ADAMTSL1: variants seen among roughly 807,000 people sequenced by gnomAD.
ADAMTSL1 encodes ADAMTS-like protein 1.
In ADAMTSL1, 126 loss-of-function variants were observed where a neutral mutation model predicts 201.8. The observed-to-expected ratio is 0.62, with a 90% CI of 0.54 to 0.72. The LOEUF is 0.72. Among genes scored for constraint, ADAMTSL1 ranks in the 30% least tolerant of loss-of-function variants. The pLI, the probability that ADAMTSL1 is intolerant of heterozygous loss-of-function variation, is 0.00. For synonymous variants in ADAMTSL1, 1,121 were observed against 903.4 expected, an observed-to-expected ratio of 1.24 and a Z score of -4.32; for missense variants, 2,679 against 2,277.8, an observed-to-expected ratio of 1.18 and a Z score of -3.59.
intron 2 of ADAMTSL1, among the ~76,000 whole-genome samples, chr9:18,338,706 A>G (rs1440573776): frequency 2.0e-5 from 3 of 152,154 alleles, no homozygotes; most frequent in Admixed American, 6.6e-5. Context: ...CTTGATGTAC[A>G]GATTATTTTG....
chr9:18,299,150 T>A (rs1349381593), intron 2 of ADAMTSL1, among the ~76,000 whole-genome samples: 1 of 152,090 alleles, frequency 6.6e-6, no homozygotes, highest in Non-Finnish European at 1.5e-5. Context: ...AGAGGAACAG[T>A]CTTAGAGGAG....
At chr9:18,451,248 T>C (rs1204163130) in intron 2 of ADAMTSL1, among the ~76,000 whole-genome samples, 1 of 152,220 alleles carries the variant, frequency 6.6e-6, no homozygotes, top group Non-Finnish European at 1.5e-5. Flanking sequence ...GGTACCTCCA[T>C]GCATACCTCA....
At chr9:18,294,537 T>G (rs976670075) in intron 2 of ADAMTSL1, among the ~76,000 whole-genome samples, 1 of 152,154 alleles carries the variant, frequency 6.6e-6, no homozygotes, top group Admixed American at 6.5e-5. Context: ...TTTCCAGGTT[T>G]GCACAGAGGA....
At chr9:17,989,916 A>G (rs1484801272) in intron 1 of ADAMTSL1, among the ~76,000 whole-genome samples, 3 of 149,278 alleles carry the variant, frequency 2.0e-5, no homozygotes, top group Admixed American at 2.0e-4. Flanking sequence ...CATTGTAAAC[A>G]TCTTTTTTTT....
intron 7 of ADAMTSL1, among the ~76,000 whole-genome samples, chr9:18,646,073 G>C (rs1257809510): frequency 6.6e-6 from 1 of 151,904 alleles, no homozygotes; most frequent in Non-Finnish European, 1.5e-5. Flanking sequence ...CTTGAGCAGT[G>C]GTTTGTAGTT....
intron 2 of ADAMTSL1, among the ~76,000 whole-genome samples, chr9:18,270,077 T>TG (rs1832297297): frequency 6.6e-6 from 1 of 152,086 alleles, no homozygotes; most frequent in South Asian, 2.1e-4. Context: ...TACCATTGAT[T>TG]GGGGAGCTTC....
At chr9:18,854,540 A>G (rs1017673763) in intron 23 of ADAMTSL1, among the ~76,000 whole-genome samples, 1 of 152,160 alleles carries the variant, frequency 6.6e-6, no homozygotes, top group African/African-American at 2.4e-5. Context: ...TCCTCTTGGT[A>G]CCTTTTAAAT....
intron 2 of ADAMTSL1, among the ~76,000 whole-genome samples, chr9:18,244,894 T>C (rs761008807): frequency 2.6e-5 from 4 of 152,212 alleles, no homozygotes; most frequent in Non-Finnish European, 5.9e-5. Flanking sequence ...TATCCTACCA[T>C]GCTTCCTCGT....
At position 18,688,918 on chromosome 9, in the gene ADAMTSL1, G is replaced by C. The variant is rs527864909; in HGVS notation, c.1574+4118G>C. Among the ~76,000 whole-genome samples the C allele has an allele frequency of 1.7e-4, 26 of 151,292 alleles. No individual in the cohort carries two copies. The South Asian group carries it at 3.6e-3, about 21-fold the overall frequency. On this transcript the variant is annotated intron_variant, in intron 13 of 28. Coordinates refer to ENST00000380548, the MANE Select transcript of ADAMTSL1 (RefSeq NM_001040272.6). ...GCTAGTACTAGAAAAGGGGGGATGG[G>C]AAAAATACTGATAAAATTATCTTCT...
At chr9:18,433,260 A>G (rs1198295712) in intron 2 of ADAMTSL1, among the ~76,000 whole-genome samples, 1 of 152,086 alleles carries the variant, frequency 6.6e-6, no homozygotes, top group Non-Finnish European at 1.5e-5. Context: ...ATTAATTCTT[A>G]ATATAGATTC....
At chr9:18,259,609 C>T (rs904281997) in intron 2 of ADAMTSL1, among the ~76,000 whole-genome samples, 2 of 152,136 alleles carry the variant, frequency 1.3e-5, no homozygotes, top group Non-Finnish European at 2.9e-5. Context: ...CAGCCCTCCT[C>T]TTTCTGCTCC....
intron 2 of ADAMTSL1, among the ~76,000 whole-genome samples, chr9:18,412,231 G>T (rs1046417763): frequency 1.3e-5 from 2 of 152,154 alleles, no homozygotes; most frequent in Non-Finnish European, 2.9e-5. Context: ...TTCATAAGTG[G>T]AACTGTGCTT....
intron 1 of ADAMTSL1, among the ~76,000 whole-genome samples, chr9:18,150,175 C>T (rs4961457): frequency 0.42 from 64,338 of 151,726 alleles, 14,137 homozygotes; most frequent in Admixed American, 0.53. Flanking sequence ...TCTGTTTCCA[C>T]GGTTATGAAA....
intron 1 of ADAMTSL1, among the ~76,000 whole-genome samples, chr9:17,933,599 C>G (rs1272105847): frequency 6.6e-6 from 1 of 152,122 alleles, no homozygotes; most frequent in African/African-American, 2.4e-5. Flanking sequence ...GTTTAGTTGG[C>G]TCACAGTTCT....
rs1027287492 is a variant in ADAMTSL1, at chr9:18,691,202, C to T, written c.1574+6402C>T. 2.0e-5 allele frequency among the ~76,000 whole-genome samples: 3 copies of T among 152,140 alleles called. No homozygotes were observed. In the East Asian group the frequency reaches 5.8e-4, roughly 29 times the overall value. On this transcript the variant is annotated intron_variant, in intron 13 of 28. Transcript: ENST00000380548. ...ATTGAATTCCCAAATTCTCTACTAGCATATATCAGAATTGCATCTACCTCT... is the reference window on the plus strand; with the variant it reads ...ATTGAATTCCCAAATTCTCTACTAGTATATATCAGAATTGCATCTACCTCT...
At chr9:17,974,103 A>T (rs1490128452) in intron 1 of ADAMTSL1, among the ~76,000 whole-genome samples, 1 of 152,054 alleles carries the variant, frequency 6.6e-6, no homozygotes. Flanking sequence ...TCTCAAAATA[A>T]TAAGAGCTAT....
At chr9:18,432,163 G>T (rs541127044) in intron 2 of ADAMTSL1, among the ~76,000 whole-genome samples, 1 of 152,100 alleles carries the variant, frequency 6.6e-6, no homozygotes, top group Non-Finnish European at 1.5e-5. Context: ...TCAGTTGTGT[G>T]CCAACCATAG....
intron 2 of ADAMTSL1, among the ~76,000 whole-genome samples, chr9:18,399,292 T>C (rs1317522808): frequency 1.6e-4 from 15 of 94,054 alleles, no homozygotes; most frequent in Admixed American, 2.0e-4. Flanking sequence ...TATATATATA[T>C]ATATATATAT....
chr9:18,030,046 G>A (rs1051771887), intron 1 of ADAMTSL1, among the ~76,000 whole-genome samples: 4 of 151,924 alleles, frequency 2.6e-5, no homozygotes, highest in African/African-American at 7.3e-5. Flanking sequence ...CCCATTACTG[G>A]GTATATACCC....
Sources: gnomAD v4.1 joint callset for allele counts (sites outside exome capture counted in the v4.1 genomes callset) on GRCh38, gnomAD v4.1.1 for gene constraint, MANE v1.5 for transcripts, NCBI Gene and HGNC (gene_info 2026-07-23, HGNC 2026-07-21) for gene names.